Variants in ANO10 observed in about 807,000 individuals in gnomAD.
ANO10 encodes anoctamin-10.
ANO10 carries 77 observed loss-of-function variants against 74.7 expected under a neutral mutation model. The ratio of observed to expected loss-of-function variants is 1.03; its 90% CI spans 0.86 to 1.25. ANO10 has a LOEUF of 1.25. Ranked by LOEUF, ANO10 falls within the 50% of genes most tolerant of loss-of-function variation. The pLI is 0.00. For missense variants in ANO10, 721 were observed against 778.1 expected, an observed-to-expected ratio of 0.93 and a Z score of 0.87; for synonymous variants, 279 against 284.9, an observed-to-expected ratio of 0.98 and a Z score of 0.21.
intron 1 of ANO10, among the ~76,000 whole-genome samples, chr3:43,637,175 AAC>A (rs199614923): frequency 0.021 from 3,243 of 151,952 alleles, 65 homozygotes; most frequent in African/African-American, 0.053. Flanking sequence ...GTCTCAAAAA[AAC>A]AAACAAAAAG....
intron 4 of ANO10, among the ~76,000 whole-genome samples, chr3:43,594,984 A>C (rs2082003337): frequency 6.6e-6 from 1 of 152,026 alleles, no homozygotes; most frequent in Non-Finnish European, 1.5e-5. Context: ...ACTATGAACA[A>C]CTCTACGCAA....
At chr3:43,367,835 T>C (rs763458780) in intron 12 of ANO10, among the ~76,000 whole-genome samples, 56 of 152,216 alleles carry the variant, frequency 3.7e-4, no homozygotes, top group Non-Finnish European at 7.3e-4. Context: ...AAACAGATTT[T>C]TGATAACAGT....
At chr3:43,672,621 T>C (rs1019136649) in intron 1 of ANO10, among the ~76,000 whole-genome samples, 15 of 152,216 alleles carry the variant, frequency 9.9e-5, no homozygotes, top group African/African-American at 3.6e-4. Context: ...AATAAACAGG[T>C]CTCTATCTTT....
intron 12 of ANO10, among the ~76,000 whole-genome samples, chr3:43,424,346 G>A (rs150973858): frequency 7.9e-4 from 120 of 152,282 alleles, no homozygotes; most frequent in African/African-American, 2.7e-3. Context: ...TTAGTTTATA[G>A]TTTAACTTTG....
At chr3:43,413,580 C>T (rs1406851194) in intron 12 of ANO10, among the ~76,000 whole-genome samples, 3 of 151,610 alleles carry the variant, frequency 2.0e-5, no homozygotes, top group Non-Finnish European at 2.9e-5. Context: ...ACCATGCTTC[C>T]TGTGTAGCCT....
At chr3:43,648,957 G>A (rs376269179) in intron 1 of ANO10, among the ~76,000 whole-genome samples, 37 of 152,286 alleles carry the variant, frequency 2.4e-4, no homozygotes, top group East Asian at 1.2e-3. Flanking sequence ...GATTACAGGC[G>A]TGAGCCACGG....
chr3:43,679,745 C>A (rs2084170179), intron 1 of ANO10, among the ~76,000 whole-genome samples: 1 of 152,146 alleles, frequency 6.6e-6, no homozygotes, highest in South Asian at 2.1e-4. Context: ...GACAAAACTT[C>A]CAGAAGAATG....
chr3:43,468,316 C>A (rs1047120932), intron 11 of ANO10, among the ~76,000 whole-genome samples: 1 of 152,156 alleles, frequency 6.6e-6, no homozygotes. Flanking sequence ...AGTATTGACA[C>A]ATGGGCCCTT....
At chr3:43,495,594 G>A (rs992168252) in intron 11 of ANO10, among the ~76,000 whole-genome samples, 10 of 152,080 alleles carry the variant, frequency 6.6e-5, no homozygotes, top group South Asian at 2.1e-4. Flanking sequence ...GATGAGGCAT[G>A]GCAAGTGGCC....
At chr3:43,601,498 A>T (rs2082335537) in intron 2 of ANO10, among the ~76,000 whole-genome samples, 1 of 152,200 alleles carries the variant, frequency 6.6e-6, no homozygotes, top group Non-Finnish European at 1.5e-5. Flanking sequence ...GCCCGGCCTC[A>T]AACTTTTAAA....
chr3:43,423,063 C>A (rs1356567028), intron 12 of ANO10, among the ~76,000 whole-genome samples: 1 of 150,810 alleles, frequency 6.6e-6, no homozygotes, highest in Non-Finnish European at 1.5e-5. Flanking sequence ...GGTTATTTTA[C>A]AATCTTGGGG....
At chr3:43,463,353 T>C (rs548170794) in intron 11 of ANO10, among the ~76,000 whole-genome samples, 86 of 152,214 alleles carry the variant, frequency 5.6e-4, no homozygotes, top group South Asian at 2.5e-3. Context: ...GATTTTGCTA[T>C]GAAGAGAAAA....
chr3:43,552,876 C>A (rs991216562), intron 10 of ANO10, among the ~76,000 whole-genome samples: 7 of 151,876 alleles, frequency 4.6e-5, no homozygotes, highest in Admixed American at 2.6e-4. Context: ...ACACTGCAAC[C>A]CCTGCCTCCC....
intron 1 of ANO10, among the ~76,000 whole-genome samples, chr3:43,664,791 T>C (rs1559391794): frequency 6.6e-6 from 1 of 152,162 alleles, no homozygotes; most frequent in Non-Finnish European, 1.5e-5. Context: ...TAATCATCAA[T>C]GGTCATTAGA....
At chr3:43,688,519 G>A (rs531824832) in intron 1 of ANO10, among the ~76,000 whole-genome samples, 23 of 152,194 alleles carry the variant, frequency 1.5e-4, no homozygotes, top group Non-Finnish European at 3.2e-4. Context: ...CCTTGTATAA[G>A]AGCATGTGAC....
At chr3:43,452,739 T>C (rs1575862521) in intron 11 of ANO10, among the ~76,000 whole-genome samples, 1 of 152,246 alleles carries the variant, frequency 6.6e-6, no homozygotes, top group African/African-American at 2.4e-5. Context: ...TGGTTAACAT[T>C]TAGTGGAACT....
At chr3:43,691,132 C>G in intron 1 of ANO10, 3 of 1,269,106 alleles carry the variant, frequency 2.4e-6, no homozygotes, top group Non-Finnish European at 3.0e-6. Context: ...CAAGGAGTCG[C>G]CGCCCGCCTG....
intron 12 of ANO10, among the ~76,000 whole-genome samples, chr3:43,404,329 A>T (rs1451470587): frequency 6.6e-6 from 1 of 152,152 alleles, no homozygotes; most frequent in African/African-American, 2.4e-5. Context: ...CAGCAAGAAA[A>T]TGCCGAACAC....
chr3:43,640,721 T>C (rs1231864051), intron 1 of ANO10, among the ~76,000 whole-genome samples: 1 of 152,230 alleles, frequency 6.6e-6, no homozygotes, highest in Non-Finnish European at 1.5e-5. Context: ...ATATTCATAA[T>C]AATGACCTTG....
Sources: allele counts gnomAD v4.1 joint callset (sites outside exome capture counted in the v4.1 genomes callset), GRCh38; gene constraint gnomAD v4.1.1; transcripts MANE v1.5; gene names NCBI Gene and HGNC (gene_info 2026-07-23, HGNC 2026-07-21).